Variants in ZNF69 observed in about 807,000 individuals in gnomAD.
The protein encoded by ZNF69 is zinc finger protein 69.
Under a neutral mutation model 50.9 loss-of-function variants are expected in ZNF69, and 47 were observed. The ratio of observed to expected loss-of-function variants is 0.92; its 90% CI spans 0.73 to 1.18. ZNF69 has a LOEUF of 1.18. ZNF69 is among the 50% of genes most tolerant of loss of function. The pLI is 0.00. For synonymous variants in ZNF69, 216 were observed against 223.1 expected, an observed-to-expected ratio of 0.97 and a Z score of 0.29; for missense variants, 717 against 675.1, an observed-to-expected ratio of 1.06 and a Z score of -0.69.
chr19:11,962,696 A>G, the ZNF69 span, among the ~76,000 whole-genome samples: 1 of 152,092 alleles, frequency 6.6e-6, no homozygotes, highest in Non-Finnish European at 1.5e-5. Flanking sequence ...GAGAACATCT[A>G]ATGTTCAAGT....
the ZNF69 span, among the ~76,000 whole-genome samples, chr19:11,951,343 T>C: frequency 1.3e-5 from 2 of 150,946 alleles, no homozygotes; most frequent in African/African-American, 4.9e-5. Context: ...ATTCTCCTGC[T>C]TCAGCCTCCT....
intron 1 of ZNF69, among the ~76,000 whole-genome samples, chr19:11,897,166 G>A (rs1282278278): frequency 6.6e-6 from 1 of 152,074 alleles, no homozygotes; most frequent in Non-Finnish European, 1.5e-5. Flanking sequence ...TGATGAACAT[G>A]GAAAAACCTT....
chr19:11,910,025 C>T (rs1203754233), downstream of ZNF69, among the ~76,000 whole-genome samples: 1 of 150,792 alleles, frequency 6.6e-6, no homozygotes, highest in African/African-American at 2.4e-5. Flanking sequence ...TATACACCAA[C>T]AACAGACAAA....
At chr19:11,936,481 GTCT>G in the ZNF69 span, among the ~76,000 whole-genome samples, 1 of 152,170 alleles carries the variant, frequency 6.6e-6, no homozygotes, top group African/African-American at 2.4e-5. Flanking sequence ...CTGCATAAAT[GTCT>G]TCTTTTGAGA....
At chr19:11,890,297 G>C (rs1385977020) in intron 1 of ZNF69, among the ~76,000 whole-genome samples, 2 of 152,220 alleles carry the variant, frequency 1.3e-5, no homozygotes, top group African/African-American at 4.8e-5. Context: ...TTGTTGGGCA[G>C]AGGTCCCTGC....
the ZNF69 span, among the ~76,000 whole-genome samples, chr19:11,939,034 G>T: frequency 1.3e-5 from 2 of 152,210 alleles, no homozygotes; most frequent in African/African-American, 2.4e-5. Context: ...CTTTTGAGAA[G>T]TGTCTGTTCA....
the ZNF69 span, among the ~76,000 whole-genome samples, chr19:11,938,549 A>G: frequency 1.7e-3 from 259 of 152,244 alleles, 4 homozygotes; most frequent in African/African-American, 5.8e-3. Context: ...CCATGTCCCT[A>G]CAAAGGACAT....
At chr19:11,936,997 T>A in the ZNF69 span, among the ~76,000 whole-genome samples, 9 of 152,206 alleles carry the variant, frequency 5.9e-5, no homozygotes. Context: ...CAGATGGTTG[T>A]ATATGTGTGG....
At chr19:11,935,827 C>T in the ZNF69 span, among the ~76,000 whole-genome samples, 2 of 152,138 alleles carry the variant, frequency 1.3e-5, no homozygotes, top group Non-Finnish European at 2.9e-5. Flanking sequence ...CATTTACATT[C>T]GGTATTTCTC....
chr19:11,974,254 T>C, the ZNF69 span, among the ~76,000 whole-genome samples: 1 of 149,660 alleles, frequency 6.7e-6, no homozygotes, highest in Non-Finnish European at 1.5e-5. Flanking sequence ...TGGAGTGCAA[T>C]GGCATGATCT....
At chr19:11,951,637 A>G in the ZNF69 span, among the ~76,000 whole-genome samples, 17 of 152,158 alleles carry the variant, frequency 1.1e-4, no homozygotes. Context: ...GCAAGGGTGT[A>G]ATATACTGTA....
the ZNF69 span, among the ~76,000 whole-genome samples, chr19:11,954,104 G>T: frequency 6.6e-6 from 1 of 152,112 alleles, no homozygotes; most frequent in Non-Finnish European, 1.5e-5. Flanking sequence ...TAGGAGAAAA[G>T]TTATACAAAT....
the ZNF69 span, among the ~76,000 whole-genome samples, chr19:11,943,760 A>G: frequency 4.8e-4 from 73 of 152,344 alleles, no homozygotes; most frequent in African/African-American, 1.6e-3. Context: ...ACTGGGAACA[A>G]TCTTCCATGT....
At chr19:11,888,423 T>C (rs901081299) in intron 1 of ZNF69, among the ~76,000 whole-genome samples, 1 of 152,196 alleles carries the variant, frequency 6.6e-6, no homozygotes, top group African/African-American at 2.4e-5. Context: ...CAAACAGCGA[T>C]TCACGAATGA....
At chr19:11,904,483 G>T (rs1972317713) in intron 3 of ZNF69, among the ~76,000 whole-genome samples, 166 bp from the exon 4 acceptor site, 1 of 152,214 alleles carries the variant, frequency 6.6e-6, no homozygotes, top group Non-Finnish European at 1.5e-5. Context: ...AGTTATGGCT[G>T]GGTCACCTTG....
chr19:11,905,962 G>A lies in ZNF69; in HGVS notation c.1565G>A (p.Arg522Gln), dbSNP rs368403279. The change falls in exon 4 of 4, where the codon CGA (arginine) becomes CAA (glutamine). Residue 522 changes from arginine to glutamine, a missense_variant. Arg to Gln is a conservative substitution (Grantham distance 43). Coordinates refer to ENST00000429654, the MANE Select transcript of ZNF69 (RefSeq NM_001364730.1). ...GEAFSSSSSF[R>Q]YHERTHTGEK... Reference sequence around the variant, plus strand: ...GCCTTCAGTAGTTCCAGTTCCTTTCGATACCATGAAAGGACTCACACTGGA... The same window carrying A: ...GCCTTCAGTAGTTCCAGTTCCTTTCAATACCATGAAAGGACTCACACTGGA... 8.0e-5 allele frequency: 129 copies of A among 1,612,934 alleles called. No homozygotes were observed. The highest frequency in any genetic ancestry group is 6.6e-4 in the South Asian group (60 of 91,010).
chr19:11,958,084 G>A, the ZNF69 span, among the ~76,000 whole-genome samples: 1 of 152,174 alleles, frequency 6.6e-6, no homozygotes, highest in African/African-American at 2.4e-5. Flanking sequence ...ACAACACAAA[G>A]GATGGGGGAT....
At chr19:11,927,411 C>T in the ZNF69 span, among the ~76,000 whole-genome samples, 910 of 144,176 alleles carry the variant, frequency 6.3e-3, 9 homozygotes, top group African/African-American at 0.024. Flanking sequence ...ACAGCGAGAC[C>T]CTGTCTCTAT....
In ZNF69 at chr19:11,905,447, C is replaced by T. The variant is rs144280831; in HGVS notation, c.1050C>T (p.His350=). 1 of 1,614,174 alleles carries T rather than the reference C, an allele frequency of 6.2e-7. No individual in the cohort carries two copies. Among genetic ancestry groups the T allele is most frequent in the African/African-American group, 1.3e-5 (1 of 75,046 alleles). The change falls in exon 4 of 4, where the codon CAC becomes CAT. Residue 350 remains histidine, a synonymous_variant. Coordinates refer to ENST00000429654, the MANE Select transcript of ZNF69 (RefSeq NM_001364730.1). ...CCTCTCTTACAAGTTTTCAAACACA[C>T]ATAAGAATGCACTCTGGAGAAAGAC... ...ALSSLTSFQT[H]IRMHSGERPY... is the part of the protein sequence containing the mutation.
Sources: gnomAD v4.1 joint callset for allele counts (sites outside exome capture counted in the v4.1 genomes callset) on GRCh38, gnomAD v4.1.1 for gene constraint, MANE v1.5 for transcripts, NCBI Gene and HGNC (gene_info 2026-07-23, HGNC 2026-07-21) for gene names.